DRD3: variants seen among roughly 807,000 people sequenced by gnomAD.
The protein encoded by DRD3 is D(3) dopamine receptor.
In DRD3, 19 loss-of-function variants were observed where a neutral mutation model predicts 36.3. The observed-to-expected ratio is 0.52, with a 90% confidence interval of 0.36 to 0.77. The LOEUF (loss-of-function observed/expected upper bound fraction) is 0.77. DRD3 is among the 30% of genes least tolerant of loss of function. The pLI, the probability that DRD3 is intolerant of heterozygous loss-of-function variation, is 0.00. For missense variants in DRD3, 465 were observed against 505.3 expected (o/e 0.92, Z 0.77); for synonymous variants, 195 against 203.7 (o/e 0.96, Z 0.36).
chr3:114,197,999 G>C (rs1333323564), intron 1 of DRD3, among the ~76,000 whole-genome samples: 1 of 152,054 alleles, frequency 6.6e-6, no homozygotes, highest in African/African-American at 2.4e-5. Context: ...TTTTGATTGG[G>C]ATTGCATTTA....
chr3:114,147,313 T>G, intron 4 of DRD3, 102 bp downstream of exon 4: 1 of 1,444,294 alleles, frequency 6.9e-7, no homozygotes, highest in Non-Finnish European at 9.4e-7. Flanking sequence ...CAAAGTACAC[T>G]GACCGGGGGT....
intron 3 of DRD3, among the ~76,000 whole-genome samples, 174 bp downstream of exon 3, chr3:114,159,581 G>A (rs1416844612): frequency 6.6e-6 from 1 of 152,134 alleles, no homozygotes; most frequent in Non-Finnish European, 1.5e-5. Flanking sequence ...TTTCCCACCT[G>A]TCGCAGGGGT....
intron 2 of DRD3, among the ~76,000 whole-genome samples, chr3:114,171,006 G>C (rs2077835309): frequency 6.6e-6 from 1 of 152,002 alleles, no homozygotes; most frequent in African/African-American, 2.4e-5. Context: ...CCACCCCCTG[G>C]CTCTGTTTTG....
chr3:114,139,583 C>T lies in DRD3; in HGVS notation c.640G>A (p.Val214Met), dbSNP rs1325758494. ...TVLVYARIYV[V>M]LKQRRRKRIL... The stretch of plus-strand genomic sequence containing the variant: ...CTTTTCCGTCTCCTTTGTTTCAGCA[C>T]CACATAGATTCTGGCATAGACAAGG... Residue 214 changes from valine to methionine, a missense_variant, in exon 5 of 7, where the codon GTG (valine) becomes ATG (methionine). Val to Met is a conservative substitution (Grantham distance 21, BLOSUM62 1). Transcript: ENST00000383673. The T allele has an allele frequency of 5.0e-6, 8 of 1,614,150 alleles. No homozygotes were observed. Among genetic ancestry groups the T allele is most frequent in the African/African-American group, 2.7e-5 (2 of 75,006 alleles).
At position 114,171,898 on chromosome 3, in the gene DRD3, T is replaced by G. The variant is rs1355145371; in HGVS notation, c.95A>C (p.Tyr32Ser). 1 of 1,611,348 alleles carries G rather than the reference T, an allele frequency of 6.2e-7. No individual in the cohort carries two copies. The highest frequency in any genetic ancestry group is 2.2e-5 in the East Asian group (1 of 44,740). ...GATGAGCGCGCAGTAGGAGAGGGCA[T>G]AGTAGGCATGTGGGCGGGCCTGGCT... ...GASQARPHAYYALSYCALILA... is the reference protein window; with the variant it reads ...GASQARPHAYSALSYCALILA... The change falls in exon 2 of 7, where the codon TAT becomes TCT. Residue 32 changes from tyrosine to serine, a missense_variant. Coordinates refer to ENST00000383673, the MANE Select transcript of DRD3 (RefSeq NM_000796.6).
At chr3:114,182,733 T>C (rs1470898956), upstream of DRD3, among the ~76,000 whole-genome samples, 1 of 152,168 alleles carries the variant, frequency 6.6e-6, no homozygotes. Context: ...AAGTACCTCA[T>C]ATAAGTGGAA....
intron 1 of DRD3, among the ~76,000 whole-genome samples, chr3:114,192,393 T>C (rs977483140): frequency 2.6e-5 from 4 of 152,222 alleles, no homozygotes; most frequent in Admixed American, 2.6e-4. Context: ...CTGTAGATTG[T>C]GGGCCAAAGT....
intron 4 of DRD3, among the ~76,000 whole-genome samples, chr3:114,143,195 T>C (rs969560609): frequency 6.6e-6 from 1 of 152,190 alleles, no homozygotes; most frequent in Non-Finnish European, 1.5e-5. Flanking sequence ...AAATAATAAA[T>C]AAATGAGCAA....
intron 4 of DRD3, 70 bp downstream of exon 4, chr3:114,147,344 AC>A: frequency 6.4e-7 from 1 of 1,563,794 alleles, no homozygotes; most frequent in Non-Finnish European, 8.8e-7. Context: ...AGGGCTGAGC[AC>A]AACTCACAGC....
intron 5 of DRD3, among the ~76,000 whole-genome samples, chr3:114,137,791 AC>A (rs1412941227): frequency 6.6e-6 from 1 of 151,204 alleles, no homozygotes; most frequent in Non-Finnish European, 1.5e-5. Context: ...GGAGATCGAG[AC>A]CATCCTGGCT....
At chr3:114,134,761 G>A (rs1172070529) in intron 5 of DRD3, among the ~76,000 whole-genome samples, 1 of 151,898 alleles carries the variant, frequency 6.6e-6, no homozygotes, top group East Asian at 1.9e-4. Context: ...GTATTCTTAG[G>A]AATTCTAGAA....
intron 5 of DRD3, among the ~76,000 whole-genome samples, chr3:114,134,724 G>GT (rs961886057): frequency 1.3e-5 from 2 of 151,952 alleles, no homozygotes; most frequent in South Asian, 2.1e-4. Flanking sequence ...CTGGCCTAGA[G>GT]TTTTTTTTAA....
intron 2 of DRD3, among the ~76,000 whole-genome samples, chr3:114,167,798 A>G (rs1577614903): frequency 2.0e-5 from 3 of 152,228 alleles, no homozygotes; most frequent in Non-Finnish European, 2.9e-5. Context: ...TGTTAAATCA[A>G]TTTTTCAAGC....
At chr3:114,186,783 A>G (rs940704292) in intron 1 of DRD3, among the ~76,000 whole-genome samples, 1 of 152,230 alleles carries the variant, frequency 6.6e-6, no homozygotes, top group Non-Finnish European at 1.5e-5. Flanking sequence ...AAATAATTAC[A>G]TCAGGCAGAC....
rs544235006 is a variant in DRD3, at chr3:114,133,269, G to A, written c.724-1869C>T. Among the ~76,000 whole-genome samples the A allele has an allele frequency of 9.5e-4, 145 of 152,284 alleles. 2 individuals are homozygous for A. Among genetic ancestry groups the A allele is most frequent in the African/African-American group, 3.4e-3 (141 of 41,558 alleles). ...CTCCCAAAGTGCTGGGATTACAGGC[G>A]TGAGCCACCGTGCCTGGCCAACAGT... is the stretch of plus-strand genomic sequence containing the variant. On this transcript the variant is annotated intron_variant, in intron 5 of 6. Coordinates refer to ENST00000383673, the MANE Select transcript of DRD3 (RefSeq NM_000796.6).
At chr3:114,187,272 G>A (rs2077980754) in intron 1 of DRD3, among the ~76,000 whole-genome samples, 1 of 152,224 alleles carries the variant, frequency 6.6e-6, no homozygotes, top group Admixed American at 6.5e-5. Flanking sequence ...TTCACACACT[G>A]TGCTTCTCTT....
intron 2 of DRD3, among the ~76,000 whole-genome samples, chr3:114,164,220 C>CAACAAAAAAAAA (rs2077760689): frequency 5.6e-5 from 1 of 17,776 alleles, no homozygotes; most frequent in Non-Finnish European, 1.4e-4. Flanking sequence ...GCCTCAGTCT[C>CAACAAAAAAAAA]AAAAAAAAAA....
rs762559519 is a variant in DRD3, at chr3:114,189,229, G to C, written c.-156+10044C>G. On this transcript the variant is annotated intron_variant, in intron 1 of 7. Transcript: ENST00000460779. ...GATCCTTTTACTACTATTAATATCA[G>C]TGCAATATATCTTTAAAGGGATTAT... Among the ~76,000 whole-genome samples, 23 of 152,118 alleles carry C rather than the reference G, an allele frequency of 1.5e-4. 1 individual carries two copies. The highest frequency in any genetic ancestry group is 3.4e-4 in the Non-Finnish European group (23 of 67,998).
rs2077927836 is a variant in DRD3, at chr3:114,178,913, G to A, written c.-292C>T. On this transcript the variant is annotated 5_prime_UTR_variant, in exon 1 of 7. Transcript: ENST00000383673. ...TCGAATGTATCCGTTTTCTTTAGAGGATTTGGGAGGGACCCTAAACTGAGC... is the reference window on the plus strand; with the variant it reads ...TCGAATGTATCCGTTTTCTTTAGAGAATTTGGGAGGGACCCTAAACTGAGC... 6.6e-6 allele frequency: 1 copy of A among 152,162 alleles called. No individual in the cohort carries two copies. The highest frequency in any genetic ancestry group is 2.4e-5 in the African/African-American group (1 of 41,430). The allele number at this position is 152,162 out of a possible 1,614,324, so 9.4% of individuals were successfully genotyped here.
Sources: gnomAD v4.1 joint callset for allele counts (sites outside exome capture counted in the v4.1 genomes callset) on GRCh38, gnomAD v4.1.1 for gene constraint, MANE v1.5 for transcripts, NCBI Gene and HGNC (gene_info 2026-07-23, HGNC 2026-07-21) for gene names.